The following IDO2 variants were observed in gnomAD, a reference collection of about 807,000 sequenced individuals.
IDO2 encodes the protein indoleamine 2,3-dioxygenase-like 1 protein.
A neutral mutation model predicts 45.1 loss-of-function variants in IDO2; 46 were observed. The ratio of observed to expected loss-of-function variants is 1.02; its 90% CI spans 0.80 to 1.30. The LOEUF (loss-of-function observed/expected upper bound fraction) is 1.30, where lower values mean the gene tolerates loss of function less well. Among genes scored for constraint, IDO2 ranks in the 50% most tolerant of loss-of-function variants. The pLI, the probability that IDO2 is intolerant of heterozygous loss-of-function variation, is 0.00. For synonymous variants in IDO2, 218 were observed against 184.9 expected, an observed-to-expected ratio of 1.18 and a Z score of -1.45; for missense variants, 544 against 491.8, an observed-to-expected ratio of 1.11 and a Z score of -1.00.
In IDO2 at chr8:40,016,371, T is replaced by A. The variant is rs190185755; in HGVS notation, c.*769T>A. 7 of 388,732 alleles carry A rather than the reference T, an allele frequency of 1.8e-5. No individual in the cohort carries two copies. The Admixed American group carries it at 3.1e-4, about 17-fold the overall frequency. 24.1% of individuals were successfully genotyped at this position (388,732 alleles called of 1,614,324 possible). A position where few individuals can be genotyped will look rare whatever the true frequency, so the allele number is the denominator to read the frequency against. The stretch of plus-strand genomic sequence containing the variant: ...TAAATCAATGTGTTTAGTGTGCAAA[T>A]AAATGTAAATGCTTTTATTGACTTA... On this transcript the variant is annotated 3_prime_UTR_variant, in exon 11 of 11. Transcript: ENST00000502986.
At chr8:40,008,971 GT>G (rs1342814672) in intron 9 of IDO2, among the ~76,000 whole-genome samples, 1 of 151,674 alleles carries the variant, frequency 6.6e-6, no homozygotes, top group African/African-American at 2.4e-5. Flanking sequence ...TTGCTTTTTT[GT>G]TCTTGATTTA....
chr8:40,009,768 G>C (rs2981151), intron 9 of IDO2, among the ~76,000 whole-genome samples: 135,419 of 152,198 alleles, frequency 0.89, 60,401 homozygotes, highest in South Asian at 0.93. Flanking sequence ...AAATCCTCTT[G>C]AGGGTGAGGC....
chr8:39,941,023 C>T (rs1807634180), intron 1 of IDO2, among the ~76,000 whole-genome samples: 1 of 150,916 alleles, frequency 6.6e-6, no homozygotes, highest in East Asian at 1.9e-4. Flanking sequence ...GAGTTCCAGA[C>T]CAGCCTGGCC....
chr8:40,015,812 C>G (rs948469052), exon 11 of IDO2: 7 of 548,584 alleles, frequency 1.3e-5, no homozygotes, highest in African/African-American at 7.5e-5. Flanking sequence ...CCTACCTGAT[C>G]ACTGCTTAAC....
intron 4 of IDO2, among the ~76,000 whole-genome samples, chr8:39,981,880 CT>C (rs2129594472): frequency 6.6e-6 from 1 of 152,282 alleles, no homozygotes; most frequent in South Asian, 2.1e-4. Flanking sequence ...CTTTTCTGGA[CT>C]TCTGGCTGAT....
At chr8:39,982,318 T>C (rs955839997) in intron 4 of IDO2, among the ~76,000 whole-genome samples, 4 of 151,996 alleles carry the variant, frequency 2.6e-5, no homozygotes, top group African/African-American at 9.7e-5. Flanking sequence ...CCGTTGATAA[T>C]ATTCTCGGGC....
At chr8:39,974,893 C>T (rs1808235695) in intron 3 of IDO2, among the ~76,000 whole-genome samples, 1 of 151,372 alleles carries the variant, frequency 6.6e-6, no homozygotes. Context: ...GGCACTCCAG[C>T]CTGGTGACCT....
chr8:39,949,634 A>G (rs1316259680), intron 2 of IDO2, among the ~76,000 whole-genome samples: 2 of 152,196 alleles, frequency 1.3e-5, no homozygotes, highest in African/African-American at 4.8e-5. Flanking sequence ...AGGTCACAGT[A>G]AGACTCAAGC....
At chr8:39,948,081 C>T (rs773073418) in intron 1 of IDO2, among the ~76,000 whole-genome samples, 18 of 152,054 alleles carry the variant, frequency 1.2e-4, no homozygotes, top group East Asian at 3.9e-4. Context: ...TGAGCCACTG[C>T]GCCCAGCCTC....
intron 9 of IDO2, among the ~76,000 whole-genome samples, chr8:40,010,040 G>GT (rs1457183333): frequency 1.4e-5 from 1 of 70,530 alleles, no homozygotes; most frequent in African/African-American, 6.4e-5. Flanking sequence ...AATGCGGTGG[G>GT]TGGGGGGATG....
chr8:40,015,964 T>A (rs78742566), exon 11 of IDO2: 72,130 of 183,408 alleles, frequency 0.39, 7,574 homozygotes, highest in East Asian at 0.46. Context: ...GTTGATTTTC[T>A]TAAAAAACAA....
chr8:40,001,394 C>A lies in IDO2; in HGVS notation c.668-3933C>A, dbSNP rs144317410. Among the ~76,000 whole-genome samples the A allele has an allele frequency of 4.7e-3, 721 of 151,792 alleles. 7 individuals carry two copies. The highest frequency in any genetic ancestry group is 0.016 in the African/African-American group (648 of 41,388). ...CCTTCAGAGTAGCTGGGACTACAGG[C>A]GTGCACCACCATGCCCAGCTAATTT... is the stretch of plus-strand genomic sequence containing the variant. On this transcript the variant is annotated intron_variant, in intron 8 of 10. Transcript: ENST00000502986.
chr8:40,010,917 T>C (rs927782962), intron 9 of IDO2, among the ~76,000 whole-genome samples: 1 of 152,300 alleles, frequency 6.6e-6, no homozygotes, highest in African/African-American at 2.4e-5. Flanking sequence ...TAGGCTTTTC[T>C]TTTTCTTTTT....
exon 1 of IDO2, chr8:39,934,873 T>G: frequency 2.2e-6 from 1 of 461,566 alleles, no homozygotes; most frequent in Non-Finnish European, 3.9e-6. Flanking sequence ...ATGGAGAATT[T>G]TAAAGTTGGA....
chr8:39,975,169 T>TG (rs1563432186), intron 3 of IDO2, among the ~76,000 whole-genome samples: 1 of 18,960 alleles, frequency 5.3e-5, no homozygotes, highest in Non-Finnish European at 1.5e-4. Flanking sequence ...GTTTTTTTTT[T>TG]TGTTTTTTTT....
At chr8:40,012,476 A>G (rs1343939196) in intron 9 of IDO2, among the ~76,000 whole-genome samples, 1 of 152,206 alleles carries the variant, frequency 6.6e-6, no homozygotes, top group Non-Finnish European at 1.5e-5. Flanking sequence ...AAAAACTCCA[A>G]AAATCTGTCC....
intron 7 of IDO2, among the ~76,000 whole-genome samples, 167 bp downstream of exon 7, chr8:39,988,137 T>C (rs531777756): frequency 3.9e-5 from 6 of 152,292 alleles, no homozygotes; most frequent in African/African-American, 1.4e-4. Flanking sequence ...CCATATTTGC[T>C]CCCTTTTCTC....
At chr8:39,940,290 C>G (rs1807624422) in intron 1 of IDO2, among the ~76,000 whole-genome samples, 1 of 152,186 alleles carries the variant, frequency 6.6e-6, no homozygotes, top group South Asian at 2.1e-4. Flanking sequence ...CATAATGAGA[C>G]TGAGATATCA....
chr8:39,998,997 A>C (rs1274829195), intron 8 of IDO2, among the ~76,000 whole-genome samples: 1 of 151,860 alleles, frequency 6.6e-6, no homozygotes, highest in African/African-American at 2.4e-5. Context: ...CCTTCAGTAC[A>C]TCCTTTAAGA....
Sources: allele counts gnomAD v4.1 joint callset (sites outside exome capture counted in the v4.1 genomes callset), GRCh38; gene constraint gnomAD v4.1.1; transcripts MANE v1.5; gene names NCBI Gene and HGNC (gene_info 2026-07-23, HGNC 2026-07-21).